Variants in LMNTD1 observed in about 807,000 individuals in gnomAD.
LMNTD1 encodes the protein lamin tail domain containing 1.
Under a neutral mutation model 50.9 loss-of-function variants are expected in LMNTD1, and 35 were observed. That is an observed-to-expected ratio of 0.69 (90% confidence interval 0.53 to 0.91). The LOEUF (loss-of-function observed/expected upper bound fraction) is 0.91, where lower values mean the gene tolerates loss of function less well. Ranked by LOEUF, LMNTD1 falls within the 40% of genes least tolerant of loss-of-function variation. The pLI is 0.00. For missense variants in LMNTD1, 470 were observed against 475.5 expected (o/e 0.99, Z 0.11); for synonymous variants, 153 against 161.9 (o/e 0.94, Z 0.42).
intron 2 of LMNTD1, among the ~76,000 whole-genome samples, chr12:25,551,992 T>C (rs538355256): frequency 6.6e-6 from 1 of 152,330 alleles, no homozygotes; most frequent in Non-Finnish European, 1.5e-5. Context: ...TTGATAATAT[T>C]GACGACAATC....
At chr12:25,546,105 T>G (rs1036714008) in intron 4 of LMNTD1, among the ~76,000 whole-genome samples, 1 of 151,690 alleles carries the variant, frequency 6.6e-6, no homozygotes, top group African/African-American at 2.4e-5. Flanking sequence ...AAAAAGTGCC[T>G]TGAATAATTG....
At chr12:25,476,561 A>G (rs1938269997) in intron 9 of LMNTD1, 101 bp from the exon 10 acceptor site, 1 of 152,206 alleles carries the variant, frequency 6.6e-6, no homozygotes, top group Non-Finnish European at 1.5e-5. Context: ...AATCCATACC[A>G]TAGTTCTATG....
intron 1 of LMNTD1, among the ~76,000 whole-genome samples, chr12:25,558,459 GTA>G (rs143762928): frequency 0.024 from 3,601 of 152,052 alleles, 139 homozygotes; most frequent in African/African-American, 0.082. Context: ...ATAGGTTTTG[GTA>G]TATGTGTTTC....
At chr12:25,580,200 T>C (rs1592063026) in intron 1 of LMNTD1, among the ~76,000 whole-genome samples, 1 of 152,340 alleles carries the variant, frequency 6.6e-6, no homozygotes, top group East Asian at 1.9e-4. Context: ...GTTCAGATCA[T>C]GCATCATCTC....
intron 1 of LMNTD1, among the ~76,000 whole-genome samples, chr12:25,627,433 A>G (rs1946614535): frequency 1.3e-5 from 2 of 152,152 alleles, no homozygotes; most frequent in Admixed American, 6.5e-5. Flanking sequence ...AGTTCTTCTC[A>G]TGGGTCATTT....
chr12:25,520,071 A>G lies in LMNTD1; in HGVS notation c.803T>C (p.Ile268Thr). The change falls in exon 7 of 10, where the codon ATT becomes ACT. Residue 268 changes from isoleucine (I) to threonine (T), a missense_variant. Ile to Thr is a moderately conservative substitution (Grantham distance 89). Coordinates refer to ENST00000458174, the MANE Select transcript of LMNTD1 (RefSeq NM_001145728.2). ...CCAGTGGATAGGGGTGTACCACGCA[A>G]TGGCCTAATGAAAATGATTTATTAA... Reference protein sequence around the residue: ...TILCKPNGQAIAWYTPIHWKQ... With the variant: ...TILCKPNGQATAWYTPIHWKQ... The G allele has an allele frequency of 6.2e-7, 1 of 1,600,970 alleles. No individual in the cohort carries two copies. The highest frequency in any genetic ancestry group is 8.5e-7 in the Non-Finnish European group (1 of 1,172,576).
At chr12:25,527,673 TATATATATACACACACACAC>T (rs1435664902) in intron 4 of LMNTD1, among the ~76,000 whole-genome samples, 5 of 21,456 alleles carry the variant, frequency 2.3e-4, no homozygotes, top group East Asian at 7.8e-3. Flanking sequence ...TATATATATA[TATATATATACACACACACAC>T]ACACACACAC....
chr12:25,549,786 T>C (rs1419596567), intron 2 of LMNTD1, among the ~76,000 whole-genome samples: 1 of 152,152 alleles, frequency 6.6e-6, no homozygotes, highest in East Asian at 1.9e-4. Context: ...TTGTAGATAG[T>C]TCTGAAAATG....
At chr12:25,486,718 T>C (rs1313501905) in intron 9 of LMNTD1, among the ~76,000 whole-genome samples, 1 of 149,550 alleles carries the variant, frequency 6.7e-6, no homozygotes, top group Non-Finnish European at 1.5e-5. Context: ...GCATGAAGGG[T>C]TGTTGAATTT....
intron 1 of LMNTD1, among the ~76,000 whole-genome samples, chr12:25,635,612 C>A (rs1946815165): frequency 6.6e-6 from 1 of 152,152 alleles, no homozygotes; most frequent in Non-Finnish European, 1.5e-5. Flanking sequence ...CACAATCATT[C>A]TTCACAGAAT....
chr12:25,534,936 T>C (rs1040681651), intron 4 of LMNTD1, among the ~76,000 whole-genome samples: 2 of 152,088 alleles, frequency 1.3e-5, no homozygotes, highest in Non-Finnish European at 2.9e-5. Context: ...AAATGAAAAT[T>C]CATAGAAATA....
At chr12:25,496,356 T>C (rs973149674) in intron 9 of LMNTD1, among the ~76,000 whole-genome samples, 4 of 152,198 alleles carry the variant, frequency 2.6e-5, no homozygotes, top group Non-Finnish European at 5.9e-5. Flanking sequence ...TGTACACTCT[T>C]AAATTTCCTG....
chr12:25,501,083 G>A (rs909874393), intron 9 of LMNTD1, among the ~76,000 whole-genome samples: 10 of 152,250 alleles, frequency 6.6e-5, no homozygotes, highest in East Asian at 1.9e-4. Flanking sequence ...TCCACCTTCC[G>A]GGTTCAAGCA....
chr12:25,508,408 T>C (rs981350243), intron 8 of LMNTD1, among the ~76,000 whole-genome samples: 9 of 152,220 alleles, frequency 5.9e-5, no homozygotes, highest in African/African-American at 2.2e-4. Flanking sequence ...CTGACATTTC[T>C]TGTTCAATAG....
At chr12:25,545,952 T>C (rs528720033) in intron 4 of LMNTD1, among the ~76,000 whole-genome samples, 1 of 151,768 alleles carries the variant, frequency 6.6e-6, no homozygotes, top group Non-Finnish European at 1.5e-5. Flanking sequence ...TTCTTCCTGA[T>C]CAATTTCTTT....
chr12:25,542,768 G>GT (rs2136203671), intron 4 of LMNTD1, among the ~76,000 whole-genome samples: 1 of 141,106 alleles, frequency 7.1e-6, no homozygotes, highest in Admixed American at 7.0e-5. Flanking sequence ...AAAGCCCAAA[G>GT]TAGACAGAAG....
chr12:25,616,608 C>T (rs1161153639), intron 1 of LMNTD1, among the ~76,000 whole-genome samples: 1 of 152,062 alleles, frequency 6.6e-6, no homozygotes, highest in Non-Finnish European at 1.5e-5. Context: ...ATATCTATAA[C>T]CTGGTTGTGA....
At chr12:25,647,666 G>A (rs899536435) in intron 1 of LMNTD1, among the ~76,000 whole-genome samples, 2 of 152,166 alleles carry the variant, frequency 1.3e-5, no homozygotes, top group South Asian at 4.2e-4. Flanking sequence ...TTTACCAGTT[G>A]AATAAATACA....
chr12:25,549,441 C>T lies in LMNTD1; in HGVS notation c.195G>A (p.Met65Ile), dbSNP rs765553251. 1.5e-5 allele frequency: 24 copies of T among 1,613,012 alleles called. No homozygotes were observed. Among genetic ancestry groups the T allele is most frequent in the Non-Finnish European group, 2.0e-5 (24 of 1,179,258 alleles). ...LPLSSSNSSGMPLGYYLSSPQ... is the reference protein window; with the variant it reads ...LPLSSSNSSGIPLGYYLSSPQ... The stretch of plus-strand genomic sequence containing the variant: ...GACTAGACAGATAGTAACCAAGAGG[C>T]ATTCCACTGGAATTTGAAGATGACA... Residue 65 changes from methionine (M) to isoleucine (I), a missense_variant, in exon 3 of 10, where the codon ATG becomes ATA. Met to Ile is a conservative substitution (Grantham distance 10). Transcript: ENST00000458174.
Sources: gnomAD v4.1 joint callset for allele counts (sites outside exome capture counted in the v4.1 genomes callset) on GRCh38, gnomAD v4.1.1 for gene constraint, MANE v1.5 for transcripts, NCBI Gene and HGNC (gene_info 2026-07-23, HGNC 2026-07-21) for gene names.